CDKAL1: variants seen among roughly 807,000 people sequenced by gnomAD.
The protein encoded by CDKAL1 is threonylcarbamoyladenosine tRNA methylthiotransferase.
A neutral mutation model predicts 68.2 loss-of-function variants in CDKAL1; 32 were observed. The observed-to-expected ratio is 0.47, with a 90% CI of 0.35 to 0.63. The LOEUF is 0.63. CDKAL1 is among the 30% of genes least tolerant of loss of function. The probability of loss-of-function intolerance (pLI) is 0.00; values close to 1 mark genes in which losing one functional copy is unlikely to be tolerated. For synonymous variants in CDKAL1, 234 were observed against 244.3 expected, an observed-to-expected ratio of 0.96 and a Z score of 0.39; for missense variants, 606 against 696.7, an observed-to-expected ratio of 0.87 and a Z score of 1.47.
intron 9 of CDKAL1, among the ~76,000 whole-genome samples, chr6:20,930,492 A>C (rs1763389200): frequency 6.6e-6 from 1 of 152,200 alleles, no homozygotes; most frequent in South Asian, 2.1e-4. Context: ...GAAATTCCAG[A>C]GTAATTCAAA....
At chr6:21,054,680 T>C (rs998960440) in intron 11 of CDKAL1, among the ~76,000 whole-genome samples, 5 of 152,210 alleles carry the variant, frequency 3.3e-5, no homozygotes, top group Admixed American at 6.5e-5. Flanking sequence ...GGCATACAAC[T>C]TCTACCTTTC....
intron 11 of CDKAL1, among the ~76,000 whole-genome samples, chr6:21,020,774 C>CTTTTTTTTTTTTTTTTT (rs60084439): frequency 7.5e-6 from 1 of 132,832 alleles, no homozygotes; most frequent in African/African-American, 2.8e-5. Context: ...GCCTTTTTTC[C>CTTTTTTTTTTTTTTTTT]TTTTTTTTTT....
At chr6:20,588,590 C>G (rs1765469718) in intron 4 of CDKAL1, among the ~76,000 whole-genome samples, 1 of 152,184 alleles carries the variant, frequency 6.6e-6, no homozygotes, top group African/African-American at 2.4e-5. Flanking sequence ...TCTAGCACTC[C>G]TACGTTCGGT....
intron 10 of CDKAL1, among the ~76,000 whole-genome samples, chr6:20,959,810 C>T (rs757358100): frequency 8.6e-5 from 13 of 151,920 alleles, no homozygotes; most frequent in African/African-American, 1.2e-4. Context: ...GAAAGTGAAG[C>T]GGTTTATGAA....
chr6:21,104,131 G>T (rs1482735551), intron 12 of CDKAL1, among the ~76,000 whole-genome samples: 1 of 152,180 alleles, frequency 6.6e-6, no homozygotes, highest in Non-Finnish European at 1.5e-5. Flanking sequence ...AGCAGTTACA[G>T]TGTGAATACA....
intron 4 of CDKAL1, among the ~76,000 whole-genome samples, chr6:20,593,663 T>A (rs1284659316): frequency 6.6e-6 from 1 of 151,970 alleles, no homozygotes; most frequent in Non-Finnish European, 1.5e-5. Context: ...AGGTTATTTG[T>A]CTCTCTATCT....
intron 5 of CDKAL1, among the ~76,000 whole-genome samples, chr6:20,732,497 A>G (rs111808172): frequency 0.053 from 7,962 of 149,734 alleles, 634 homozygotes; most frequent in African/African-American, 0.18. Flanking sequence ...ATGTTGGCCA[A>G]GCTGGTCTCA....
intron 9 of CDKAL1, among the ~76,000 whole-genome samples, chr6:20,873,475 CCTTA>C (rs1290117467): frequency 6.6e-6 from 1 of 152,080 alleles, no homozygotes; most frequent in African/African-American, 2.4e-5. Context: ...CACATAAGAA[CCTTA>C]CTGAGTATGT....
At chr6:20,945,030 T>A (rs1764168308) in intron 9 of CDKAL1, among the ~76,000 whole-genome samples, 1 of 151,104 alleles carries the variant, frequency 6.6e-6, no homozygotes, top group Non-Finnish European at 1.5e-5. Context: ...TGCACTTTAT[T>A]CTTTCATTAT....
At chr6:20,788,040 C>T (rs1003853232) in intron 8 of CDKAL1, among the ~76,000 whole-genome samples, 1 of 152,172 alleles carries the variant, frequency 6.6e-6, no homozygotes, top group Non-Finnish European at 1.5e-5. Context: ...GACCCTATTT[C>T]GACTGTCTTT....
rs576176119 is a variant in CDKAL1, at chr6:20,677,245, A to G, written c.371+27868A>G. ...GCCACCAGGCCTGGCTAATTTTTGT[A>G]TTATTAGTAGAGATGGGCTTTCACC... On this transcript the variant is annotated intron_variant, in intron 5 of 15. Transcript: ENST00000274695. Among the ~76,000 whole-genome samples, 6 of 149,736 alleles carry G rather than the reference A, an allele frequency of 4.0e-5. No homozygotes were observed. The South Asian group carries it at 1.3e-3, about 32-fold the overall frequency.
intron 5 of CDKAL1, among the ~76,000 whole-genome samples, chr6:20,737,890 A>T (rs1773268260): frequency 6.6e-6 from 1 of 152,210 alleles, no homozygotes; most frequent in Admixed American, 6.5e-5. Context: ...CATTTATTTA[A>T]TCATTCTCTC....
intron 9 of CDKAL1, among the ~76,000 whole-genome samples, chr6:20,928,203 A>C (rs992709241): frequency 6.6e-6 from 1 of 152,194 alleles, no homozygotes; most frequent in African/African-American, 2.4e-5. Flanking sequence ...TAAAGGTATC[A>C]TGGAAGGGGG....
At chr6:21,068,035 T>A (rs1319079448) in intron 12 of CDKAL1, among the ~76,000 whole-genome samples, 1 of 147,386 alleles carries the variant, frequency 6.8e-6, no homozygotes, top group Non-Finnish European at 1.5e-5. Flanking sequence ...CTTTTGCCCA[T>A]CTACCTGTTG....
intron 13 of CDKAL1, among the ~76,000 whole-genome samples, chr6:21,176,664 T>G (rs1329555811): frequency 1.3e-5 from 2 of 151,858 alleles, no homozygotes; most frequent in African/African-American, 2.4e-5. Context: ...TGAGAATGTC[T>G]TCATGGGCTG....
intron 4 of CDKAL1, among the ~76,000 whole-genome samples, chr6:20,608,097 G>T (rs529237044): frequency 3.9e-5 from 6 of 152,144 alleles, no homozygotes; most frequent in Non-Finnish European, 7.3e-5. Flanking sequence ...AAACTCTAAA[G>T]TTATCACCAT....
intron 4 of CDKAL1, among the ~76,000 whole-genome samples, chr6:20,594,366 T>C (rs1459577120): frequency 1.3e-5 from 2 of 152,228 alleles, no homozygotes; most frequent in Non-Finnish European, 2.9e-5. Context: ...GCTCCTGTAT[T>C]GGGTGTGTAT....
chr6:20,755,457 T>C (rs886167046), intron 6 of CDKAL1, among the ~76,000 whole-genome samples: 3 of 152,188 alleles, frequency 2.0e-5, no homozygotes, highest in African/African-American at 7.2e-5. Flanking sequence ...CATTTTTTTC[T>C]TTCTCCAACC....
chr6:20,579,598 G>T (rs1765059285), intron 4 of CDKAL1, among the ~76,000 whole-genome samples: 1 of 152,142 alleles, frequency 6.6e-6, no homozygotes. Context: ...TCCCCATGAG[G>T]ATACTGATGT....
Sources: gnomAD v4.1 joint callset for allele counts (sites outside exome capture counted in the v4.1 genomes callset) on GRCh38, gnomAD v4.1.1 for gene constraint, MANE v1.5 for transcripts, NCBI Gene and HGNC (gene_info 2026-07-23, HGNC 2026-07-21) for gene names.